The following SHISA6 variants were observed in gnomAD, a reference collection of about 807,000 sequenced individuals.
SHISA6 encodes the protein protein shisa-6.
SHISA6 carries 22 observed loss-of-function variants against 47.9 expected under a neutral mutation model. The ratio of observed to expected loss-of-function variants is 0.46; its 90% CI spans 0.33 to 0.66. The LOEUF (loss-of-function observed/expected upper bound fraction) is 0.66. SHISA6 is among the 30% of genes least tolerant of loss of function. The probability of loss-of-function intolerance (pLI) is 0.02; values close to 1 mark genes in which losing one functional copy is unlikely to be tolerated. For missense variants in SHISA6, 680 were observed against 764.6 expected (o/e 0.89, Z 1.30); for synonymous variants, 388 against 337.8 (o/e 1.15, Z -1.63).
intron 3 of SHISA6, among the ~76,000 whole-genome samples, chr17:11,457,633 T>G (rs1915575334): frequency 6.6e-6 from 1 of 150,662 alleles, no homozygotes; most frequent in South Asian, 2.1e-4. Context: ...CGCAGCTACT[T>G]GGGAGGCTAA....
intron 2 of SHISA6, among the ~76,000 whole-genome samples, chr17:11,312,902 C>T (rs1175170490): frequency 1.3e-5 from 2 of 152,118 alleles, no homozygotes; most frequent in Non-Finnish European, 2.9e-5. Context: ...AAATTACTCC[C>T]ATTTTTTCTT....
At chr17:11,523,917 A>G (rs538462245) in intron 3 of SHISA6, among the ~76,000 whole-genome samples, 1 of 152,220 alleles carries the variant, frequency 6.6e-6, no homozygotes, top group South Asian at 2.1e-4. Context: ...GAGGCAGGAG[A>G]ATCGCTTGAA....
intron 3 of SHISA6, among the ~76,000 whole-genome samples, chr17:11,538,924 TTTG>T (rs1356510048): frequency 6.6e-6 from 1 of 152,006 alleles, no homozygotes; most frequent in South Asian, 2.1e-4. Flanking sequence ...TCTTTGTTTT[TTTG>T]TTGTTGTTGT....
intron 3 of SHISA6, among the ~76,000 whole-genome samples, chr17:11,518,689 A>C (rs2071605076): frequency 6.6e-6 from 1 of 152,224 alleles, no homozygotes. Context: ...ACAGATGCCC[A>C]GACCCCATCC....
intron 2 of SHISA6, among the ~76,000 whole-genome samples, chr17:11,352,287 T>C (rs779915791): frequency 3.9e-5 from 6 of 152,022 alleles, no homozygotes; most frequent in Admixed American, 1.3e-4. Flanking sequence ...AGTGTTCATA[T>C]TGAGAAATCA....
chr17:11,288,261 G>A (rs1257163300), intron 2 of SHISA6: 1 of 152,150 alleles, frequency 6.6e-6, no homozygotes, highest in African/African-American at 2.4e-5. Flanking sequence ...CTTTTCATGT[G>A]TCTAAAGCAT....
intron 2 of SHISA6, among the ~76,000 whole-genome samples, chr17:11,373,837 C>T (rs939842916): frequency 6.6e-5 from 10 of 152,186 alleles, no homozygotes; most frequent in African/African-American, 1.4e-4. Context: ...CCCTAATTGT[C>T]GGTATTACAA....
At chr17:11,401,690 A>G (rs1427993780) in intron 3 of SHISA6, among the ~76,000 whole-genome samples, 2 of 152,180 alleles carry the variant, frequency 1.3e-5, no homozygotes, top group Admixed American at 6.5e-5. Context: ...TTTTTCTCAC[A>G]CTAAGTTTAT....
In SHISA6 at chr17:11,241,647, G is replaced by A. The variant is rs903316992; in HGVS notation, c.225G>A (p.Gly75=). 50 of 1,413,654 alleles carry A rather than the reference G, an allele frequency of 3.5e-5. No individual in the cohort carries two copies. The East Asian group carries it at 1.3e-3, about 38-fold the overall frequency. 87.6% of individuals were successfully genotyped at this position (1,413,654 alleles called of 1,614,324 possible). A position where few individuals can be genotyped will look rare whatever the true frequency, so the allele number is the denominator to read the frequency against. The change falls in exon 1 of 6, where the codon GGG becomes GGA. Residue 75 remains glycine (G), a synonymous_variant. Transcript: ENST00000441885. This position sits in a 1 kb window ranked among gnomAD's most constrained non-coding sequence, Gnocchi z 5.5. ...TCCCGGAGGCGGGAAGCCGGCGGGG[G>A]CAGCCCGCGGCGGCTGTGGCGGCGG... ...PGIPEAGSRR[G]QPAAAVAAAA...
intron 2 of SHISA6, among the ~76,000 whole-genome samples, chr17:11,308,083 C>G (rs1037065223): frequency 5.9e-5 from 9 of 152,070 alleles, no homozygotes; most frequent in African/African-American, 1.9e-4. Flanking sequence ...AGGTTGATGC[C>G]CAGGTCACCA....
intron 3 of SHISA6, among the ~76,000 whole-genome samples, chr17:11,408,172 A>G (rs1397340033): frequency 6.6e-6 from 1 of 152,268 alleles, no homozygotes; most frequent in Non-Finnish European, 1.5e-5. Context: ...TAGCAAGAAA[A>G]GAACTTCACA....
chr17:11,459,028 G>T (rs999826228), intron 3 of SHISA6, among the ~76,000 whole-genome samples: 1 of 150,212 alleles, frequency 6.7e-6, no homozygotes, highest in African/African-American at 2.5e-5. Flanking sequence ...TGGCTAACAC[G>T]GTGAAACCCC....
chr17:11,441,785 G>A (rs1187007579), intron 3 of SHISA6, among the ~76,000 whole-genome samples: 1 of 152,188 alleles, frequency 6.6e-6, no homozygotes, highest in African/African-American at 2.4e-5. Flanking sequence ...ACTTCATTCA[G>A]ATGGACCTTG....
intron 1 of SHISA6, among the ~76,000 whole-genome samples, chr17:11,257,058 G>A (rs1908037849): frequency 6.6e-6 from 1 of 152,202 alleles, no homozygotes; most frequent in Admixed American, 6.5e-5. Flanking sequence ...ACAGCTCAAT[G>A]CAGATGCACA....
chr17:11,280,437 G>T (rs545471551), intron 2 of SHISA6, among the ~76,000 whole-genome samples: 3 of 152,336 alleles, frequency 2.0e-5, no homozygotes, highest in East Asian at 1.9e-4. Flanking sequence ...GCATGTAGGC[G>T]TCTGGCGAGA....
intron 3 of SHISA6, among the ~76,000 whole-genome samples, chr17:11,466,121 C>CA (rs913230425): frequency 1.3e-5 from 2 of 152,156 alleles, no homozygotes; most frequent in African/African-American, 4.8e-5. Context: ...GCCCAGGGTT[C>CA]AAAATGACAC....
At chr17:11,406,574 T>C (rs1913969419) in intron 3 of SHISA6, among the ~76,000 whole-genome samples, 1 of 152,240 alleles carries the variant, frequency 6.6e-6, no homozygotes, top group African/African-American at 2.4e-5. Context: ...GAAGTATTTA[T>C]TGATTTCTGA....
At chr17:11,514,963 C>T (rs1294157950) in intron 3 of SHISA6, among the ~76,000 whole-genome samples, 1 of 152,130 alleles carries the variant, frequency 6.6e-6, no homozygotes, top group Non-Finnish European at 1.5e-5. Flanking sequence ...GAGGGGGTGG[C>T]ATGGAGGCCA....
intron 3 of SHISA6, among the ~76,000 whole-genome samples, chr17:11,415,752 T>TC (rs1914263141): frequency 6.6e-6 from 1 of 151,838 alleles, no homozygotes; most frequent in Admixed American, 6.6e-5. Flanking sequence ...TTGTTCTTTT[T>TC]TTTGCTATAG....
Sources: gnomAD v4.1 joint callset for allele counts (sites outside exome capture counted in the v4.1 genomes callset) on GRCh38, gnomAD v4.1.1 for gene constraint, Gnocchi (gnomAD v3.1) non-coding constraint, MANE v1.5 for transcripts, NCBI Gene and HGNC (gene_info 2026-07-23, HGNC 2026-07-21) for gene names.